Variants in PIGY observed in about 807,000 individuals in gnomAD.
The protein encoded by PIGY is phosphatidylinositol N-acetylglucosaminyltransferase subunit Y.
In PIGY, 3 loss-of-function variants were observed where a neutral mutation model predicts 4.1. The ratio of observed to expected loss-of-function variants is 0.73; its 90% CI spans 0.33 to 1.89. PIGY has a LOEUF of 1.89. PIGY is among the 40% of genes most tolerant of loss of function. The pLI is 0.08. For missense variants in PIGY, 78 were observed against 80.3 expected, an observed-to-expected ratio of 0.97 and a Z score of 0.11; for synonymous variants, 33 against 31.4, an observed-to-expected ratio of 1.05 and a Z score of -0.18.
chr4:88,523,632 G>A lies in PIGY; in HGVS notation c.-375C>T. 1 of 1,542,878 alleles carries A rather than the reference G, an allele frequency of 6.5e-7. No individual in the cohort carries two copies. Among genetic ancestry groups the A allele is most frequent in the Non-Finnish European group, 8.7e-7 (1 of 1,145,022 alleles). Reference sequence around the variant, plus strand: ...CCGACGCGTGCAGGCACCTACGGGCGACCGCGGACGGCGGCGCGCGCGTTC... The same window carrying A: ...CCGACGCGTGCAGGCACCTACGGGCAACCGCGGACGGCGGCGCGCGCGTTC... On this transcript the variant is annotated 5_prime_UTR_variant, in exon 1 of 2. Coordinates refer to ENST00000527353, the MANE Select transcript of PIGY (RefSeq NM_001042616.3).
rs116570897 is a variant in PIGY at position 88,523,435 on chromosome 4, G to A, written c.-241+63C>T. On this transcript the variant is annotated intron_variant, in intron 1 of 1. Coordinates refer to ENST00000527353, the MANE Select transcript of PIGY (RefSeq NM_001042616.3). ...GCCCCAGTGGCTGCAAGAGGCCGCG[G>A]TCCACCGCTCCCTTTCCGCCCACCG... The A allele has an allele frequency of 5.8e-3, 8,837 of 1,521,674 alleles. 46 individuals carry two copies. The highest frequency in any genetic ancestry group is 6.2e-3 in the Non-Finnish European group (6,924 of 1,123,336). The allele number at this position is 1,521,674 out of a possible 1,614,324, so 94.3% of individuals were successfully genotyped here.
Position 88,523,770 on chromosome 4 carries a change from C to T in PIGY, c.-513G>A, listed in dbSNP as rs917005813. The T allele has an allele frequency of 6.0e-5, 81 of 1,360,240 alleles. No individual in the cohort carries two copies. The highest frequency in any genetic ancestry group is 7.2e-5 in the Non-Finnish European group (76 of 1,050,838). 84.3% of individuals were successfully genotyped at this position (1,360,240 alleles called of 1,614,324 possible). On this transcript the variant is annotated 5_prime_UTR_variant, in exon 1 of 2. Transcript: ENST00000527353. ...GTGGCCGAGCTCCCGGCTTCCCGTT[C>T]GTCCAGGCCAGCCGGGCAGGCCCCG...
Position 88,523,689 on chromosome 4 carries a change from T to C in PIGY, c.-432A>G. The C allele has an allele frequency of 6.6e-7, 1 of 1,504,218 alleles. No individual in the cohort carries two copies. Among genetic ancestry groups the C allele is most frequent in the Non-Finnish European group, 8.8e-7 (1 of 1,133,116 alleles). 93.2% of individuals were successfully genotyped at this position (1,504,218 alleles called of 1,614,324 possible). On this transcript the variant is annotated 5_prime_UTR_variant, in exon 1 of 2. Coordinates refer to ENST00000527353, the MANE Select transcript of PIGY (RefSeq NM_001042616.3). ...GCGCTGAGGCGAGCCTGCAGCGTGC[T>C]CCACTCAGCATGGTCTGGCAGCCGG...
chr4:88,522,432 CTAAG>C (rs1742404011), intron 1 of PIGY, among the ~76,000 whole-genome samples: 1 of 152,140 alleles, frequency 6.6e-6, no homozygotes, highest in Non-Finnish European at 1.5e-5. Flanking sequence ...AGAATAAATG[CTAAG>C]TAGAGAAACT....
At chr4:88,522,770 C>T (rs945756343) in intron 1 of PIGY, among the ~76,000 whole-genome samples, 2 of 152,158 alleles carry the variant, frequency 1.3e-5, no homozygotes, top group African/African-American at 4.8e-5. Flanking sequence ...GAGGCTTCTA[C>T]GAAACCTGCT....
In PIGY at chr4:88,523,658, C is replaced by G; in HGVS notation, c.-401G>C. On this transcript the variant is annotated 5_prime_UTR_variant, in exon 1 of 2. Transcript: ENST00000527353. The stretch of plus-strand genomic sequence containing the variant: ...ACCGCGGACGGCGGCGCGCGCGTTC[C>G]CCGCAGCGCTGAGGCGAGCCTGCAG... The G allele has an allele frequency of 6.5e-7, 1 of 1,535,458 alleles. No homozygotes were observed. Among genetic ancestry groups the G allele is most frequent in the Non-Finnish European group, 8.7e-7 (1 of 1,143,470 alleles).
At chr4:88,522,297 T>C (rs1008397665) in intron 1 of PIGY, among the ~76,000 whole-genome samples, 1 of 152,204 alleles carries the variant, frequency 6.6e-6, no homozygotes, top group African/African-American at 2.4e-5. Context: ...TTTTTTTTCA[T>C]ACTAGTCAGA....
chr4:88,523,016 G>C (rs568363249), intron 1 of PIGY, among the ~76,000 whole-genome samples: 417 of 152,274 alleles, frequency 2.7e-3, no homozygotes, highest in Non-Finnish European at 4.7e-3. Flanking sequence ...GCTGGGCGTG[G>C]GGGCGGCGCC....
chr4:88,523,721 G>T lies in PIGY; in HGVS notation c.-464C>A. ...AGCATGGTCTGGCAGCCGGAGACCA[G>T]GCCTCACCGCAGCCTCGCCACCCGT... On this transcript the variant is annotated 5_prime_UTR_variant, in exon 1 of 2. In the 5' UTR this introduces an upstream ATG that the reference lacks. Coordinates refer to ENST00000527353, the MANE Select transcript of PIGY (RefSeq NM_001042616.3). The T allele has an allele frequency of 7.0e-7, 1 of 1,429,288 alleles. No homozygotes were observed. The highest frequency in any genetic ancestry group is 9.1e-7 in the Non-Finnish European group (1 of 1,099,302). 88.5% of individuals were successfully genotyped at this position (1,429,288 alleles called of 1,614,324 possible). A position where few individuals can be genotyped will look rare whatever the true frequency, so the allele number is the denominator to read the frequency against.
At chr4:88,523,357 G>C in intron 1 of PIGY, 141 bp downstream of exon 1, 3 of 877,064 alleles carry the variant, frequency 3.4e-6, no homozygotes, top group Non-Finnish European at 5.2e-6. Context: ...TGTGCGCCCG[G>C]CGAGGACAGA....
At position 88,523,708 on chromosome 4, in the gene PIGY, C is replaced by T; in HGVS notation, c.-451G>A. ...GCGTGCTCCACTCAGCATGGTCTGGCAGCCGGAGACCAGGCCTCACCGCAG... is the reference window on the plus strand; with the variant it reads ...GCGTGCTCCACTCAGCATGGTCTGGTAGCCGGAGACCAGGCCTCACCGCAG... On this transcript the variant is annotated 5_prime_UTR_variant, in exon 1 of 2. Transcript: ENST00000527353. The T allele has an allele frequency of 6.9e-7, 1 of 1,459,296 alleles. No homozygotes were observed. The highest frequency in any genetic ancestry group is 1.4e-5 in the South Asian group (1 of 71,614). 90.4% of individuals were successfully genotyped at this position (1,459,296 alleles called of 1,614,324 possible).
chr4:88,522,902 T>C (rs1034646471), intron 1 of PIGY, among the ~76,000 whole-genome samples: 4 of 152,198 alleles, frequency 2.6e-5, no homozygotes, highest in African/African-American at 9.7e-5. Flanking sequence ...TTCATTATCT[T>C]GGCTTAAAAA....
At chr4:88,522,431 G>T (rs1487315990) in intron 1 of PIGY, among the ~76,000 whole-genome samples, 1 of 152,136 alleles carries the variant, frequency 6.6e-6, no homozygotes, top group Non-Finnish European at 1.5e-5. Context: ...TAGAATAAAT[G>T]CTAAGTAGAG....
rs1742459529 is a variant in PIGY, at chr4:88,523,543, G to T, written c.-286C>A. Reference sequence around the variant, plus strand: ...CGGGCACACCAGGAACTCCAGCAGCGCCGGATCGAAGTCGCGGGGCGGCTC... The same window carrying T: ...CGGGCACACCAGGAACTCCAGCAGCTCCGGATCGAAGTCGCGGGGCGGCTC... On this transcript the variant is annotated 5_prime_UTR_variant, in exon 1 of 2. Coordinates refer to ENST00000527353, the MANE Select transcript of PIGY (RefSeq NM_001042616.3). 1 of 1,551,022 alleles carries T rather than the reference G, an allele frequency of 6.4e-7. No individual in the cohort carries two copies. Among genetic ancestry groups the T allele is most frequent in the Admixed American group, 2.0e-5 (1 of 50,988 alleles).
intron 1 of PIGY, 92 bp downstream of exon 1, chr4:88,523,406 C>CA (rs1742451557): frequency 2.2e-6 from 3 of 1,334,706 alleles, no homozygotes; most frequent in Admixed American, 2.0e-5. Context: ...GACCGACCTA[C>CA]AAGGCCCCAG....
At position 88,523,731 on chromosome 4, in the gene PIGY, C is replaced by G. The variant is rs1223564197; in HGVS notation, c.-474G>C. ...GGCAGCCGGAGACCAGGCCTCACCGCAGCCTCGCCACCCGTGGCCGAGCTC... is the reference window on the plus strand; with the variant it reads ...GGCAGCCGGAGACCAGGCCTCACCGGAGCCTCGCCACCCGTGGCCGAGCTC... On this transcript the variant is annotated 5_prime_UTR_variant, in exon 1 of 2. Coordinates refer to ENST00000527353, the MANE Select transcript of PIGY (RefSeq NM_001042616.3). The G allele has an allele frequency of 1.4e-6, 2 of 1,412,972 alleles. No individual in the cohort carries two copies. Among genetic ancestry groups the G allele is most frequent in the Non-Finnish European group, 9.2e-7 (1 of 1,091,032 alleles). The allele number at this position is 1,412,972 out of a possible 1,614,324, so 87.5% of individuals were successfully genotyped here. A position where few individuals can be genotyped will look rare whatever the true frequency, so the allele number is the denominator to read the frequency against.
rs367845984 is a variant in PIGY, at chr4:88,521,553, A to G, written c.*21T>C. 6.6e-4 allele frequency: 1,031 copies of G among 1,557,852 alleles called. 9 individuals are homozygous for G. The highest frequency in any genetic ancestry group is 6.2e-3 in the South Asian group (551 of 89,534). On this transcript the variant is annotated 3_prime_UTR_variant, in exon 2 of 2. Transcript: ENST00000527353. ...CCCAAGAGCTATCATTAATATATACAGCATATTGACTCTAGTTGCATCAAT... is the reference window on the plus strand; with the variant it reads ...CCCAAGAGCTATCATTAATATATACGGCATATTGACTCTAGTTGCATCAAT...
At chr4:88,523,347 T>A in intron 1 of PIGY, 151 bp downstream of exon 1, 1 of 808,180 alleles carries the variant, frequency 1.2e-6, no homozygotes, top group South Asian at 1.7e-5. Flanking sequence ...TCCTGCCCGC[T>A]GTGCGCCCGG....
At position 88,522,026 on chromosome 4, in the gene PIGY, A is replaced by G; in HGVS notation, c.-237T>C. 2.0e-6 allele frequency: 3 copies of G among 1,530,172 alleles called. No homozygotes were observed. The highest frequency in any genetic ancestry group is 2.6e-6 in the Non-Finnish European group (3 of 1,140,216). The allele number at this position is 1,530,172 out of a possible 1,614,324, so 94.8% of individuals were successfully genotyped here. A position where few individuals can be genotyped will look rare whatever the true frequency, so the allele number is the denominator to read the frequency against. ...TAATCAATTCGTTTGTTGATGCTTC[A>G]TATCTGAGGTGGAAAAAAAAAGAAC... On this transcript the variant is annotated 5_prime_UTR_variant, in exon 2 of 2. It removes an upstream start codon present in the reference 5' UTR. Coordinates refer to ENST00000527353, the MANE Select transcript of PIGY (RefSeq NM_001042616.3).
Sources: gnomAD v4.1 joint callset for allele counts (sites outside exome capture counted in the v4.1 genomes callset) on GRCh38, gnomAD v4.1.1 for gene constraint, MANE v1.5 for transcripts, NCBI Gene and HGNC (gene_info 2026-07-23, HGNC 2026-07-21) for gene names.